The following SKIC3 variants were observed in gnomAD, a reference collection of about 807,000 sequenced individuals.
SKIC3 encodes the protein superkiller complex protein 3.
the SKIC3 span, among the ~76,000 whole-genome samples, chr5:95,490,263 G>A: frequency 2.6e-5 from 4 of 151,854 alleles, no homozygotes; most frequent in African/African-American, 9.7e-5. Flanking sequence ...TGCTGGTAAA[G>A]TCTCAAAGTA....
chr5:95,503,837 C>T, the SKIC3 span: 1 of 1,613,796 alleles, frequency 6.2e-7, no homozygotes, highest in Non-Finnish European at 8.5e-7. Context: ...TTTATAAAGC[C>T]CCTTCATGAA....
chr5:95,495,763 G>C, the SKIC3 span, among the ~76,000 whole-genome samples: 3 of 152,202 alleles, frequency 2.0e-5, no homozygotes, highest in Admixed American at 1.3e-4. Flanking sequence ...TAGATGTGCA[G>C]AATATTGGGT....
At chr5:95,494,078 A>C in the SKIC3 span, among the ~76,000 whole-genome samples, 2 of 152,182 alleles carry the variant, frequency 1.3e-5, no homozygotes, top group African/African-American at 4.8e-5. Context: ...TATGTTAAAT[A>C]ATTTAGTAAC....
the SKIC3 span, chr5:95,529,296 C>A: frequency 1.6e-6 from 1 of 633,120 alleles, no homozygotes. Context: ...TCAGTTCAGA[C>A]CTCCACCATC....
the SKIC3 span, chr5:95,512,608 G>C: frequency 3.7e-5 from 60 of 1,613,732 alleles, no homozygotes; most frequent in East Asian, 1.3e-3. Context: ...ATAACCTAAT[G>C]CTCCTTCAGT....
chr5:95,543,016 CT>C, the SKIC3 span, among the ~76,000 whole-genome samples: 1 of 151,954 alleles, frequency 6.6e-6, no homozygotes, highest in Admixed American at 6.6e-5. Flanking sequence ...CTTTGCACCA[CT>C]TTTTTTCTAA....
chr5:95,540,609 G>A, the SKIC3 span: 5 of 1,532,492 alleles, frequency 3.3e-6, no homozygotes, highest in Non-Finnish European at 4.5e-6. Context: ...AAATGACAAT[G>A]ATCAATTATG....
At chr5:95,495,318 A>G in the SKIC3 span, 1 of 312,010 alleles carries the variant, frequency 3.2e-6, no homozygotes. Context: ...TAAAATATAA[A>G]GACTGAGAGA....
At chr5:95,516,058 C>A in the SKIC3 span, among the ~76,000 whole-genome samples, 2 of 152,088 alleles carry the variant, frequency 1.3e-5, no homozygotes, top group Non-Finnish European at 2.9e-5. Flanking sequence ...TACATGTGTA[C>A]AGATTTAAAA....
the SKIC3 span, among the ~76,000 whole-genome samples, chr5:95,489,412 T>C: frequency 6.6e-6 from 1 of 151,676 alleles, no homozygotes; most frequent in Admixed American, 6.6e-5. Context: ...ATTAGGATTG[T>C]TTTACTATAA....
chr5:95,464,948 G>A, the SKIC3 span, among the ~76,000 whole-genome samples: 19 of 86,914 alleles, frequency 2.2e-4, no homozygotes, highest in African/African-American at 3.7e-4. Flanking sequence ...TTTTTTGGAC[G>A]GAATCTCTCT....
chr5:95,543,324 C>T, the SKIC3 span: 2 of 1,613,700 alleles, frequency 1.2e-6, no homozygotes, highest in Non-Finnish European at 1.7e-6. Context: ...TGCTTTAACA[C>T]TGTCTGATTT....
chr5:95,505,420 C>T, the SKIC3 span, among the ~76,000 whole-genome samples: 1 of 152,170 alleles, frequency 6.6e-6, no homozygotes, highest in South Asian at 2.1e-4. Flanking sequence ...TTTAAATAAA[C>T]ACTATCTTCT....
the SKIC3 span, chr5:95,543,294 C>T: frequency 6.2e-7 from 1 of 1,613,966 alleles, no homozygotes; most frequent in Non-Finnish European, 8.5e-7. Context: ...AAAACCCAGG[C>T]ATTATAGTTA....
the SKIC3 span, chr5:95,491,086 G>A: frequency 6.2e-7 from 1 of 1,608,332 alleles, no homozygotes; most frequent in Non-Finnish European, 8.5e-7. Flanking sequence ...TCAACATGTT[G>A]CTTAAAAACT....
At chr5:95,466,486 G>GA in the SKIC3 span, among the ~76,000 whole-genome samples, 2 of 152,222 alleles carry the variant, frequency 1.3e-5, no homozygotes, top group Admixed American at 1.3e-4. Flanking sequence ...CCACACCTAA[G>GA]AAAAAATTGT....
the SKIC3 span, among the ~76,000 whole-genome samples, chr5:95,490,412 A>T: frequency 6.8e-6 from 1 of 148,058 alleles, no homozygotes; most frequent in African/African-American, 2.4e-5. Context: ...ATATATATAC[A>T]TTATTTAAAT....
At chr5:95,492,041 A>G in the SKIC3 span, among the ~76,000 whole-genome samples, 2 of 152,220 alleles carry the variant, frequency 1.3e-5, no homozygotes, top group East Asian at 1.9e-4. Context: ...AAGTACAAAA[A>G]TCAACAAAAT....
the SKIC3 span, chr5:95,494,860 ACT>A: frequency 6.3e-7 from 1 of 1,596,706 alleles, no homozygotes; most frequent in African/African-American, 1.3e-5. Context: ...TGACTAAAAG[ACT>A]CTATTTGATA....
Sources: allele counts gnomAD v4.1 joint callset (sites outside exome capture counted in the v4.1 genomes callset), GRCh38; gene constraint gnomAD v4.1.1; transcripts MANE v1.5; gene names NCBI Gene and HGNC (gene_info 2026-07-23, HGNC 2026-07-21).